The following COL5A1 variants were observed in gnomAD, a reference collection of about 807,000 sequenced individuals.
COL5A1 encodes the protein collagen type V alpha 1 chain.
Under a neutral mutation model 263.7 loss-of-function variants are expected in COL5A1, and 16 were observed. The ratio of observed to expected loss-of-function variants is 0.06; its 90% CI spans 0.04 to 0.09. The LOEUF (loss-of-function observed/expected upper bound fraction) is 0.09, where lower values mean the gene tolerates loss of function less well. Ranked by LOEUF, COL5A1 falls within the 10% of genes least tolerant of loss-of-function variation. The probability of loss-of-function intolerance (pLI) is 1.00; values close to 1 mark genes in which losing one functional copy is unlikely to be tolerated. For missense variants in COL5A1, 2,036 were observed against 2,540.5 expected, an observed-to-expected ratio of 0.80 and a Z score of 4.27; for synonymous variants, 1,012 against 1,004.5, an observed-to-expected ratio of 1.01 and a Z score of -0.14.
rs1456818523 is a variant in COL5A1, at chr9:134,642,017, C to T, written c.-171C>T. 1.7e-5 allele frequency: 10 copies of T among 578,842 alleles called. No individual in the cohort carries two copies. Among genetic ancestry groups the T allele is most frequent in the Non-Finnish European group, 2.3e-5 (9 of 392,214 alleles). The allele number at this position is 578,842 out of a possible 1,614,324, so 35.9% of individuals were successfully genotyped here. A position where few individuals can be genotyped will look rare whatever the true frequency, so the allele number is the denominator to read the frequency against. ...CCGTGGGCGAGCGCGCCAGCCGCCC[C>T]TTCCAGAACAGCCGCCGCCACAAAG... On this transcript the variant is annotated 5_prime_UTR_variant, in exon 1 of 66. Transcript: ENST00000371817. This position sits in a 1 kb window ranked among gnomAD's most constrained non-coding sequence, Gnocchi z 4.5.
At chr9:134,710,822 A>G (rs566981165) in intron 4 of COL5A1, among the ~76,000 whole-genome samples, 1 of 15,586 alleles carries the variant, frequency 6.4e-5, no homozygotes, top group African/African-American at 3.9e-4. Context: ...GGGGGAGGGG[A>G]CCCCATCTGT....
intron 34 of COL5A1, 65 bp downstream of exon 34, chr9:134,795,380 G>T: frequency 2.1e-6 from 3 of 1,416,136 alleles, no homozygotes; most frequent in Non-Finnish European, 3.0e-6. Flanking sequence ...CAGAGACGTG[G>T]AGCGTCTGAG....
intron 13 of COL5A1, among the ~76,000 whole-genome samples, chr9:134,752,162 C>T (rs975895204): frequency 5.3e-5 from 8 of 152,152 alleles, no homozygotes; most frequent in East Asian, 1.9e-4. Context: ...GTGCTTGAAG[C>T]GCCTCCCATG....
chr9:134,810,172 C>T (rs1004807253), intron 43 of COL5A1, 83 bp from the exon 44 acceptor site: 28 of 1,488,466 alleles, frequency 1.9e-5, no homozygotes, highest in Non-Finnish European at 2.4e-5. Flanking sequence ...TTCTTAATCT[C>T]CAAGAAAAAT....
intron 37 of COL5A1, 54 bp from the exon 38 acceptor site, chr9:134,801,900 C>T: frequency 2.6e-6 from 4 of 1,521,552 alleles, no homozygotes; most frequent in East Asian, 2.3e-5. Context: ...CAGTGCAGGG[C>T]AGGGTGGCGC....
At chr9:134,739,601 G>A (rs370548291) in intron 11 of COL5A1, among the ~76,000 whole-genome samples, 2 of 152,226 alleles carry the variant, frequency 1.3e-5, no homozygotes, top group African/African-American at 2.4e-5. Context: ...ATGTCAGAGC[G>A]CAGTGGCTAG....
chr9:134,643,847 C>T (rs1335957248), intron 1 of COL5A1, among the ~76,000 whole-genome samples: 2 of 152,156 alleles, frequency 1.3e-5, no homozygotes, highest in Admixed American at 6.5e-5. Context: ...GGAATCGTCA[C>T]CCTAGACAGC....
rs1172789062 is a variant in COL5A1, at chr9:134,647,605, C to A, written c.109+5309C>A. Among the ~76,000 whole-genome samples the A allele has an allele frequency of 6.6e-6, 1 of 152,182 alleles. No homozygotes were observed. The highest frequency in any genetic ancestry group is 1.5e-5 in the Non-Finnish European group (1 of 68,034). ...GGCAGGGCGACGTTTCTCTCCTTACCGTGACCCGGCCCCAGCTGGACGGGA... is the reference window on the plus strand; with the variant it reads ...GGCAGGGCGACGTTTCTCTCCTTACAGTGACCCGGCCCCAGCTGGACGGGA... On this transcript the variant is annotated intron_variant, in intron 1 of 65. Transcript: ENST00000371817. The surrounding 1 kb of genome is among the most constrained non-coding windows in gnomAD (Gnocchi z 5.0).
Position 134,758,668 on chromosome 9 carries a change from G to A in COL5A1, c.1935+372G>A, listed in dbSNP as rs575037775. ...AGCTGCCATTTCAGGGGCGGCCAAG[G>A]ACACTTTGCAATATTAAAGTGGTGG... On this transcript the variant is annotated intron_variant, in intron 18 of 65. Transcript: ENST00000371817. This position sits in a 1 kb window ranked among gnomAD's most constrained non-coding sequence, Gnocchi z 4.1. Among the ~76,000 whole-genome samples, 1 of 152,272 alleles carries A rather than the reference G, an allele frequency of 6.6e-6. No homozygotes were observed. Among genetic ancestry groups the A allele is most frequent in the Non-Finnish European group, 1.5e-5 (1 of 68,008 alleles).
intron 11 of COL5A1, among the ~76,000 whole-genome samples, chr9:134,748,823 A>G (rs1835672580): frequency 6.6e-6 from 1 of 152,246 alleles, no homozygotes; most frequent in African/African-American, 2.4e-5. Context: ...TCGGCAGAAG[A>G]CGGGTTAAAT....
At chr9:134,760,254 AC>A (rs1366279998) in intron 18 of COL5A1, among the ~76,000 whole-genome samples, 1 of 82,520 alleles carries the variant, frequency 1.2e-5, no homozygotes, top group South Asian at 4.7e-4. Flanking sequence ...ACACCCACAC[AC>A]CCCACACTGA....
At chr9:134,829,857 C>A (rs908518811) in intron 63 of COL5A1, 119 bp from the exon 64 acceptor site, 18 of 1,148,980 alleles carry the variant, frequency 1.6e-5, no homozygotes, top group Non-Finnish European at 2.0e-5. Flanking sequence ...CCTGCAGCCC[C>A]CCCGGCGTGA....
At chr9:134,729,517 TG>T (rs1834792710) in intron 6 of COL5A1, among the ~76,000 whole-genome samples, 1 of 130,734 alleles carries the variant, frequency 7.6e-6, no homozygotes, top group South Asian at 2.6e-4. Flanking sequence ...TGTGTGAGAG[TG>T]TGTGTGAGCG....
chr9:134,830,472 G>T, intron 64 of COL5A1: 1 of 513,994 alleles, frequency 1.9e-6, no homozygotes, highest in South Asian at 2.3e-5. Context: ...AGACGGTGCA[G>T]CCCCAGGCAC....
At chr9:134,781,058 C>G (rs141910052) in intron 28 of COL5A1, among the ~76,000 whole-genome samples, 9 of 152,362 alleles carry the variant, frequency 5.9e-5, no homozygotes, top group Admixed American at 5.2e-4. Context: ...GTCCACGTGC[C>G]GAGACTCCTT....
intron 28 of COL5A1, 111 bp downstream of exon 28, chr9:134,780,257 G>A (rs1205998917): frequency 7.8e-6 from 8 of 1,028,430 alleles, no homozygotes; most frequent in South Asian, 1.3e-5. Flanking sequence ...GGTGGATGTC[G>A]CCTCTGAGTA....
intron 9 of COL5A1, among the ~76,000 whole-genome samples, chr9:134,737,554 G>C (rs1273579134): frequency 1.3e-5 from 2 of 152,238 alleles, no homozygotes; most frequent in African/African-American, 4.8e-5. Context: ...GTCCCTTGAG[G>C]AACAGTCGCC....
At chr9:134,658,391 T>C (rs939609773) in intron 1 of COL5A1, among the ~76,000 whole-genome samples, 2 of 152,110 alleles carry the variant, frequency 1.3e-5, no homozygotes, top group East Asian at 3.9e-4. Flanking sequence ...GCTGCCCGGG[T>C]CTCCAGTTCT....
intron 26 of COL5A1, among the ~76,000 whole-genome samples, chr9:134,773,086 G>A (rs933229223): frequency 4.6e-5 from 7 of 152,226 alleles, no homozygotes; most frequent in African/African-American, 1.4e-4. Flanking sequence ...TGACCGGATC[G>A]GGTGCCCATG....
Sources: allele counts gnomAD v4.1 joint callset (sites outside exome capture counted in the v4.1 genomes callset), GRCh38; gene constraint gnomAD v4.1.1; non-coding constraint Gnocchi (gnomAD v3.1); transcripts MANE v1.5; gene names NCBI Gene and HGNC (gene_info 2026-07-23, HGNC 2026-07-21).